The following TBC1D30 variants were observed in gnomAD, a reference collection of about 807,000 sequenced individuals.
TBC1D30 encodes TBC1 domain family, member 30.
A neutral mutation model predicts 63.2 loss-of-function variants in TBC1D30; 31 were observed. The observed-to-expected ratio is 0.49, with a 90% CI of 0.37 to 0.66. TBC1D30 has a LOEUF of 0.66. Among genes scored for constraint, TBC1D30 ranks in the 30% least tolerant of loss-of-function variants. The pLI, the probability that TBC1D30 is intolerant of heterozygous loss-of-function variation, is 0.00. For synonymous variants in TBC1D30, 307 were observed against 361.5 expected (o/e 0.85, Z 1.71); for missense variants, 810 against 953.6 (o/e 0.85, Z 1.98).
chr12:64,760,605 G>A lies in TBC1D30; in HGVS notation c.-376+956G>A, dbSNP rs535194302. 4.0e-4 allele frequency among the ~76,000 whole-genome samples: 61 copies of A among 152,142 alleles called. No individual in the cohort carries two copies. The South Asian group carries it at 8.7e-3, about 22-fold the overall frequency. Reference sequence around the variant, plus strand: ...AGAGATATTCCTGGCAAGGTGAACTGTCAAGTCACATCCCCAGACCGATAT... The same window carrying A: ...AGAGATATTCCTGGCAAGGTGAACTATCAAGTCACATCCCCAGACCGATAT... On this transcript the variant is annotated intron_variant, in intron 1 of 13. Coordinates refer to the TBC1D30 transcript ENST00000674237.
At chr12:64,780,757 C>A in exon 1 of TBC1D30, 4 of 987,982 alleles carry the variant, frequency 4.0e-6, no homozygotes, top group Non-Finnish European at 4.8e-6. Flanking sequence ...AACTGGCCGG[C>A]GCCGCGAGGC....
chr12:64,805,869 CTTCTT>C (rs1278344911), intron 2 of TBC1D30, among the ~76,000 whole-genome samples: 1 of 152,026 alleles, frequency 6.6e-6, no homozygotes, highest in Admixed American at 6.6e-5. Flanking sequence ...AAAATAGTTT[CTTCTT>C]TTAAGATTTT....
chr12:64,805,015 A>G (rs889672282), intron 2 of TBC1D30, among the ~76,000 whole-genome samples: 35 of 152,122 alleles, frequency 2.3e-4, no homozygotes, highest in African/African-American at 7.5e-4. Context: ...AGCCTGGCCA[A>G]CATGGTAAAT....
intron 7 of TBC1D30, 100 bp from the exon 8 acceptor site, chr12:64,843,280 C>A: frequency 9.6e-7 from 1 of 1,045,858 alleles, no homozygotes; most frequent in Non-Finnish European, 1.4e-6. Context: ...TAGGCATGAG[C>A]CACCATGCCC....
intron 2 of TBC1D30, among the ~76,000 whole-genome samples, chr12:64,819,050 A>C (rs890711143): frequency 1.3e-5 from 2 of 152,208 alleles, no homozygotes; most frequent in Middle Eastern, 3.2e-3. Flanking sequence ...CAGAGTTTTA[A>C]GTACATTTCT....
At chr12:64,801,104 G>C (rs1243018355) in intron 2 of TBC1D30, among the ~76,000 whole-genome samples, 1 of 152,138 alleles carries the variant, frequency 6.6e-6, no homozygotes, top group Non-Finnish European at 1.5e-5. Context: ...ATGTCTATTA[G>C]AGTGCTAATT....
At chr12:64,849,669 A>G (rs938980373) in intron 8 of TBC1D30, among the ~76,000 whole-genome samples, 2 of 152,180 alleles carry the variant, frequency 1.3e-5, no homozygotes, top group Non-Finnish European at 2.9e-5. Flanking sequence ...TGTTTTGGTT[A>G]CTGTAGCCTT....
chr12:64,795,580 T>A (rs1872203232), intron 2 of TBC1D30, among the ~76,000 whole-genome samples: 1 of 152,172 alleles, frequency 6.6e-6, no homozygotes, highest in Non-Finnish European at 1.5e-5. Flanking sequence ...GTGGACTGTG[T>A]AGTATAACAT....
chr12:64,861,855 C>A (rs1357870724), intron 8 of TBC1D30, among the ~76,000 whole-genome samples: 1 of 152,140 alleles, frequency 6.6e-6, no homozygotes, highest in East Asian at 1.9e-4. Flanking sequence ...TACTGAGAGG[C>A]AGGACTTTCC....
chr12:64,810,442 A>C (rs1277809572), intron 2 of TBC1D30, among the ~76,000 whole-genome samples: 1 of 152,190 alleles, frequency 6.6e-6, no homozygotes, highest in African/African-American at 2.4e-5. Context: ...GTCTCTACTA[A>C]AAATACAAAA....
chr12:64,780,256 G>A (rs988159563), upstream of TBC1D30, among the ~76,000 whole-genome samples: 2 of 152,216 alleles, frequency 1.3e-5, no homozygotes, highest in Non-Finnish European at 2.9e-5. Context: ...GGCTTTTGAA[G>A]GCGCTCAGAT....
chr12:64,812,192 G>GT (rs1873255999), intron 2 of TBC1D30, among the ~76,000 whole-genome samples: 1 of 151,456 alleles, frequency 6.6e-6, no homozygotes, highest in African/African-American at 2.4e-5. Flanking sequence ...TCCTTTAGTT[G>GT]TTTTTTTCCT....
chr12:64,795,323 A>C (rs1462266764), intron 2 of TBC1D30, among the ~76,000 whole-genome samples: 1 of 152,198 alleles, frequency 6.6e-6, no homozygotes, highest in Non-Finnish European at 1.5e-5. Context: ...GAGTCTCTGC[A>C]TTCAGTATGC....
At chr12:64,836,715 A>G in intron 6 of TBC1D30, 57 bp downstream of exon 6, 1 of 1,415,928 alleles carries the variant, frequency 7.1e-7, no homozygotes, top group Non-Finnish European at 9.4e-7. Context: ...ATTCCACTGT[A>G]CAAATGAGCC....
At chr12:64,760,378 A>G (rs1870456467) in intron 1 of TBC1D30, among the ~76,000 whole-genome samples, 1 of 152,038 alleles carries the variant, frequency 6.6e-6, no homozygotes, top group Non-Finnish European at 1.5e-5. Context: ...AGCCTGGCCA[A>G]CGTGGGGAAA....
chr12:64,775,362 T>A (rs1871045193), intron 1 of TBC1D30, among the ~76,000 whole-genome samples: 1 of 152,016 alleles, frequency 6.6e-6, no homozygotes, highest in Non-Finnish European at 1.5e-5. Flanking sequence ...CATGACCTAG[T>A]GGTATGCTGT....
chr12:64,782,076 T>G (rs1455524943), intron 1 of TBC1D30, among the ~76,000 whole-genome samples: 3 of 151,420 alleles, frequency 2.0e-5, no homozygotes, highest in Non-Finnish European at 4.4e-5. Context: ...GTGTCACACT[T>G]TTTTTTTTCA....
intron 2 of TBC1D30, among the ~76,000 whole-genome samples, chr12:64,804,452 C>T (rs1343009449): frequency 6.6e-6 from 1 of 152,120 alleles, no homozygotes; most frequent in African/African-American, 2.4e-5. Flanking sequence ...AATTTGACTC[C>T]CTCTTTTCCT....
chr12:64,780,810 T>C, exon 1 of TBC1D30: 1 of 994,534 alleles, frequency 1.0e-6, no homozygotes, highest in Non-Finnish European at 1.2e-6. Context: ...CCGGGGACCA[T>C]GGACGTCCTT....
Sources: allele counts gnomAD v4.1 joint callset (sites outside exome capture counted in the v4.1 genomes callset), GRCh38; gene constraint gnomAD v4.1.1; transcripts MANE v1.5; gene names NCBI Gene and HGNC (gene_info 2026-07-23, HGNC 2026-07-21).